Variants in FUBP3 observed in about 807,000 individuals in gnomAD.
FUBP3 encodes far upstream element binding protein 3.
In FUBP3, 28 loss-of-function variants were observed where a neutral mutation model predicts 85.6. That is an observed-to-expected ratio of 0.33 (90% CI 0.24 to 0.45). FUBP3 has a LOEUF of 0.45. FUBP3 is among the 20% of genes least tolerant of loss of function. The pLI is 1.00. For synonymous variants in FUBP3, 271 were observed against 271.4 expected, an observed-to-expected ratio of 1.00 and a Z score of 0.01; for missense variants, 583 against 755.1, an observed-to-expected ratio of 0.77 and a Z score of 2.67.
chr9:130,604,027 G>A (rs1161048333), intron 2 of FUBP3, among the ~76,000 whole-genome samples: 2 of 152,176 alleles, frequency 1.3e-5, no homozygotes, highest in African/African-American at 2.4e-5. Flanking sequence ...TTGCGATACA[G>A]CCATACCGTG....
chr9:130,632,095 A>C (rs1830235516), intron 15 of FUBP3, 73 bp downstream of exon 15: 1 of 1,476,404 alleles, frequency 6.8e-7, no homozygotes, highest in African/African-American at 1.4e-5. Flanking sequence ...CCGACAGGCA[A>C]GGGTCCGGTG....
At chr9:130,631,217 CACT>C in intron 13 of FUBP3, 1 of 1,222,560 alleles carries the variant, frequency 8.2e-7, no homozygotes. Flanking sequence ...ACAGATGGGC[CACT>C]GCTCACCTCA....
intron 2 of FUBP3, among the ~76,000 whole-genome samples, chr9:130,602,398 A>G (rs1831200049): frequency 6.6e-6 from 1 of 152,170 alleles, no homozygotes; most frequent in Non-Finnish European, 1.5e-5. Context: ...TACTTGTGGC[A>G]TAGGGCAAGG....
chr9:130,584,360 T>C (rs543050679), intron 1 of FUBP3, among the ~76,000 whole-genome samples: 2 of 151,726 alleles, frequency 1.3e-5, no homozygotes, highest in Non-Finnish European at 2.9e-5. Context: ...AAACCCCATC[T>C]CTGCTAAAAA....
rs117683435 is a variant in FUBP3, at chr9:130,623,253, G to A, written c.875-358G>A. Among the ~76,000 whole-genome samples, 898 of 152,178 alleles carry A rather than the reference G, an allele frequency of 5.9e-3. 3 individuals are homozygous for A. The highest frequency in any genetic ancestry group is 1.0e-2 in the Non-Finnish European group (680 of 68,010). The stretch of plus-strand genomic sequence containing the variant: ...ATTTGCCTTAATGAGCAAAATTTTC[G>A]ACGTGGTCTGAAAAGAGGAAAACAT... On this transcript the variant is annotated intron_variant, in intron 10 of 18. Transcript: ENST00000319725.
At chr9:130,593,378 A>G (rs1830718676) in intron 1 of FUBP3, among the ~76,000 whole-genome samples, 1 of 152,230 alleles carries the variant, frequency 6.6e-6, no homozygotes, top group Non-Finnish European at 1.5e-5. Context: ...ATCACACAGT[A>G]GGTACTTAAC....
Position 130,579,629 on chromosome 9 carries a change from AGCGGCGGCGTCGGCGGCGTCG to A in FUBP3, c.-42_-22del, listed in dbSNP as rs1830038639. ...AGCGGGAGGCCGGACCGGGGAGCCG[AGCGGCGGCGTCGGCGGCGTCG>A]GCGGCGGCGGCGACGGCGGCGGGGG... On this transcript the variant is annotated 5_prime_UTR_variant, in exon 1 of 19. Coordinates refer to ENST00000319725, the MANE Select transcript of FUBP3 (RefSeq NM_003934.2). 20 of 1,120,964 alleles carry A rather than the reference AGCGGCGGCGTCGGCGGCGTCG, an allele frequency of 1.8e-5. No individual in the cohort carries two copies. Among genetic ancestry groups the A allele is most frequent in the East Asian group, 3.3e-5 (1 of 30,546 alleles). 69.4% of individuals were successfully genotyped at this position (1,120,964 alleles called of 1,614,324 possible).
intron 2 of FUBP3, among the ~76,000 whole-genome samples, chr9:130,603,347 CAAAAAAAAAAAA>C (rs34850259): frequency 1.2e-5 from 1 of 83,818 alleles, no homozygotes; most frequent in Non-Finnish European, 2.3e-5. Context: ...ACTCTGTCTC[CAAAAAAAAAAAA>C]AAAAAAAAAC....
At chr9:130,607,418 A>G (rs1831515989) in intron 2 of FUBP3, among the ~76,000 whole-genome samples, 1 of 152,192 alleles carries the variant, frequency 6.6e-6, no homozygotes, top group African/African-American at 2.4e-5. Flanking sequence ...CTACACCTGT[A>G]TATGCTGGAA....
intron 12 of FUBP3, among the ~76,000 whole-genome samples, chr9:130,627,421 G>C (rs1313025515): frequency 1.3e-5 from 2 of 152,216 alleles, no homozygotes; most frequent in South Asian, 4.1e-4. Context: ...TGCTTGAGGG[G>C]CGCTCGTATT....
chr9:130,615,056 A>T (rs973945405), intron 6 of FUBP3, among the ~76,000 whole-genome samples: 7 of 152,152 alleles, frequency 4.6e-5, no homozygotes, highest in Non-Finnish European at 1.5e-5. Context: ...CTGACTCAAT[A>T]GGTAGGGTTG....
chr9:130,626,076 G>C (rs1367118673), intron 11 of FUBP3, among the ~76,000 whole-genome samples: 3 of 152,190 alleles, frequency 2.0e-5, no homozygotes, highest in Non-Finnish European at 4.4e-5. Context: ...AGGGAGAAAG[G>C]CCGCTGGGCT....
intron 13 of FUBP3, 88 bp from the exon 14 acceptor site, chr9:130,631,469 A>G (rs1373668606): frequency 2.2e-6 from 3 of 1,375,968 alleles, no homozygotes; most frequent in African/African-American, 1.4e-5. Context: ...ATCTCCCCAA[A>G]AGCTGGGCTT....
chr9:130,614,476 A>G (rs147873700), intron 6 of FUBP3, 131 bp downstream of exon 6: 126 of 574,964 alleles, frequency 2.2e-4, no homozygotes, highest in East Asian at 1.4e-3. Context: ...AGATAATTCC[A>G]TAGGAAAAAA....
intron 12 of FUBP3, among the ~76,000 whole-genome samples, chr9:130,629,590 G>A (rs1830129899): frequency 6.6e-6 from 1 of 152,150 alleles, no homozygotes; most frequent in Admixed American, 6.5e-5. Context: ...TTCTGGCAGT[G>A]GGTAGAGAGA....
chr9:130,583,750 G>C (rs1342020934), intron 1 of FUBP3, among the ~76,000 whole-genome samples: 1 of 152,170 alleles, frequency 6.6e-6, no homozygotes, highest in Non-Finnish European at 1.5e-5. Context: ...GTCACTGAGT[G>C]TGTGTGCGCC....
chr9:130,628,383 G>T (rs538159818), intron 12 of FUBP3, among the ~76,000 whole-genome samples: 64 of 152,368 alleles, frequency 4.2e-4, no homozygotes, highest in African/African-American at 1.5e-3. Context: ...CGTCCAGCCA[G>T]GGGGCCACTG....
intron 14 of FUBP3, 47 bp from the exon 15 acceptor site, chr9:130,631,895 C>T: frequency 2.1e-6 from 3 of 1,404,816 alleles, no homozygotes; most frequent in African/African-American, 1.4e-5. Flanking sequence ...GGGACGAGCC[C>T]TCTGTTGTGA....
rs1434041303 is a variant in FUBP3, at chr9:130,638,317, A to G, written c.*1295A>G. The G allele has an allele frequency of 6.6e-6, 1 of 152,616 alleles. No homozygotes were observed. The highest frequency in any genetic ancestry group is 1.5e-5 in the Non-Finnish European group (1 of 68,020). The allele number at this position is 152,616 out of a possible 1,614,324, so 9.5% of individuals were successfully genotyped here. A position where few individuals can be genotyped will look rare whatever the true frequency, so the allele number is the denominator to read the frequency against. ...TGACAATTCATTTTACACTCTATAT[A>G]ATAAAATCTCCACAAGGCATCTTGT... On this transcript the variant is annotated 3_prime_UTR_variant, in exon 19 of 19. Transcript: ENST00000319725.
Sources: gnomAD v4.1 joint callset for allele counts (sites outside exome capture counted in the v4.1 genomes callset) on GRCh38, gnomAD v4.1.1 for gene constraint, MANE v1.5 for transcripts, NCBI Gene and HGNC (gene_info 2026-07-23, HGNC 2026-07-21) for gene names.